Variants in WDPCP observed in about 807,000 individuals in gnomAD.
The protein encoded by WDPCP is WD repeat containing planar cell polarity effector, also known as WD repeat-containing and planar cell polarity effector protein fritz homolog.
Under a neutral mutation model 93.1 loss-of-function variants are expected in WDPCP, and 71 were observed. The ratio of observed to expected loss-of-function variants is 0.76; its 90% confidence interval spans 0.63 to 0.93. WDPCP has a LOEUF of 0.93. Ranked by LOEUF, WDPCP falls within the 40% of genes least tolerant of loss-of-function variation. The pLI is 0.00. For synonymous variants in WDPCP, 315 were observed against 315.0 expected, an observed-to-expected ratio of 1.00 and a Z score of 0.00; for missense variants, 844 against 887.4, an observed-to-expected ratio of 0.95 and a Z score of 0.62.
chr2:63,616,295 A>G (rs1020864930), intron 3 of WDPCP, among the ~76,000 whole-genome samples: 3 of 152,142 alleles, frequency 2.0e-5, no homozygotes, highest in African/African-American at 7.2e-5. Flanking sequence ...GGAATTATAA[A>G]TGGAAAAGCC....
At chr2:63,755,144 C>T (rs1489880051) in intron 2 of WDPCP, among the ~76,000 whole-genome samples, 1 of 152,198 alleles carries the variant, frequency 6.6e-6, no homozygotes, top group Non-Finnish European at 1.5e-5. Flanking sequence ...GCCTAAATGT[C>T]CTTTATGGCC....
At chr2:63,243,242 G>C (rs1286158898) in intron 14 of WDPCP, among the ~76,000 whole-genome samples, 1 of 152,138 alleles carries the variant, frequency 6.6e-6, no homozygotes, top group African/African-American at 2.4e-5. Flanking sequence ...TGGTGTGATT[G>C]ATAGAGTGTC....
chr2:63,589,190 G>A, upstream of WDPCP: 1 of 1,600,856 alleles, frequency 6.2e-7, no homozygotes, highest in Non-Finnish European at 8.5e-7. Context: ...ATCTTCTGGG[G>A]ATTGCCGCAG....
chr2:63,137,841 G>T (rs755581879), intron 17 of WDPCP, among the ~76,000 whole-genome samples: 8 of 152,026 alleles, frequency 5.3e-5, no homozygotes, highest in Non-Finnish European at 1.2e-4. Flanking sequence ...TTTTTGTCAG[G>T]TTTTTTGAAG....
chr2:63,178,671 A>AT (rs1017053283), intron 14 of WDPCP, among the ~76,000 whole-genome samples: 3 of 148,784 alleles, frequency 2.0e-5, no homozygotes, highest in African/African-American at 7.4e-5. Context: ...AGTTTTGTTG[A>AT]TTTTTTTCTA....
At chr2:63,179,913 C>G (rs1010120602) in intron 14 of WDPCP, among the ~76,000 whole-genome samples, 3 of 151,934 alleles carry the variant, frequency 2.0e-5, no homozygotes, top group Non-Finnish European at 2.9e-5. Context: ...GTTTTGTGGC[C>G]TTCATGTGGT....
At position 63,121,341 on chromosome 2, in the gene WDPCP, A is replaced by G. The variant is rs1384093000; in HGVS notation, c.*665T>C. On this transcript the variant is annotated 3_prime_UTR_variant, in exon 18 of 18. Coordinates refer to ENST00000272321, the MANE Select transcript of WDPCP (RefSeq NM_015910.7). ...ATTTGTAATGTAAATTAATAATGTA[A>G]ACAAGAGCAGAAGAGGACTTTCTTT... 6.6e-6 allele frequency: 1 copy of G among 151,560 alleles called. No individual in the cohort carries two copies. The highest frequency in any genetic ancestry group is 2.4e-5 in the African/African-American group (1 of 41,252). 9.4% of individuals were successfully genotyped at this position (151,560 alleles called of 1,614,324 possible).
chr2:63,781,420 C>T (rs528226666), intron 2 of WDPCP, among the ~76,000 whole-genome samples: 20 of 152,070 alleles, frequency 1.3e-4, no homozygotes, highest in Non-Finnish European at 2.4e-4. Flanking sequence ...GGATAGAGTG[C>T]CTACTCTCCT....
At chr2:63,738,278 T>C (rs1669665782) in intron 2 of WDPCP, among the ~76,000 whole-genome samples, 1 of 152,132 alleles carries the variant, frequency 6.6e-6, no homozygotes, top group South Asian at 2.1e-4. Context: ...CTCATGGAGA[T>C]GATTGTATAA....
At chr2:63,349,584 T>C (rs1251457224) in intron 12 of WDPCP, among the ~76,000 whole-genome samples, 2 of 152,154 alleles carry the variant, frequency 1.3e-5, no homozygotes, top group Non-Finnish European at 2.9e-5. Context: ...CAATTAATAA[T>C]GAATGGTAGT....
At chr2:63,634,109 G>A (rs897348326) in intron 3 of WDPCP, among the ~76,000 whole-genome samples, 2 of 152,056 alleles carry the variant, frequency 1.3e-5, no homozygotes, top group Non-Finnish European at 2.9e-5. Context: ...GACTGCCTGA[G>A]TAGACAAAAA....
At chr2:63,154,029 A>G (rs1412125348) in intron 15 of WDPCP, among the ~76,000 whole-genome samples, 3 of 151,938 alleles carry the variant, frequency 2.0e-5, no homozygotes, top group Non-Finnish European at 4.4e-5. Flanking sequence ...ATAAATATCC[A>G]GAGTTGTTCT....
intron 6 of WDPCP, among the ~76,000 whole-genome samples, chr2:63,451,870 A>G (rs535657594): frequency 9.2e-5 from 14 of 152,350 alleles, no homozygotes; most frequent in Admixed American, 2.0e-4. Context: ...TAGATGCAGA[A>G]AAGGCCTTTG....
intron 12 of WDPCP, among the ~76,000 whole-genome samples, chr2:63,361,938 A>T (rs917448835): frequency 2.0e-5 from 3 of 152,126 alleles, no homozygotes; most frequent in Non-Finnish European, 4.4e-5. Context: ...CCCACTTTTT[A>T]AAAATTGATA....
intron 13 of WDPCP, among the ~76,000 whole-genome samples, chr2:63,301,792 T>C (rs79897027): frequency 1.0e-5 from 1 of 97,376 alleles, no homozygotes; most frequent in African/African-American, 3.4e-5. Context: ...AAGGGATGCC[T>C]TTTTTTTTTT....
intron 2 of WDPCP, among the ~76,000 whole-genome samples, chr2:63,731,612 G>A (rs546725369): frequency 1.5e-4 from 23 of 152,142 alleles, no homozygotes; most frequent in African/African-American, 5.1e-4. Flanking sequence ...AGTAGCTAAT[G>A]GATTAATATA....
intron 6 of WDPCP, among the ~76,000 whole-genome samples, chr2:63,481,004 A>C (rs571373956): frequency 6.6e-6 from 1 of 152,304 alleles, no homozygotes; most frequent in East Asian, 1.9e-4. Context: ...AAGGACTAAT[A>C]TCCAGAATCT....
intron 2 of WDPCP, among the ~76,000 whole-genome samples, chr2:63,795,588 GGAAA>G (rs939919911): frequency 1.3e-5 from 2 of 148,930 alleles, no homozygotes; most frequent in South Asian, 2.1e-4. Context: ...ACAGAAAGAA[GGAAA>G]GAAAGAAAGA....
At chr2:63,758,093 G>A (rs1669995599) in intron 2 of WDPCP, among the ~76,000 whole-genome samples, 2 of 149,792 alleles carry the variant, frequency 1.3e-5, no homozygotes, top group Non-Finnish European at 3.0e-5. Flanking sequence ...AAGTGTTGTT[G>A]GTTTTTTTTT....
Sources: gnomAD v4.1 joint callset for allele counts (sites outside exome capture counted in the v4.1 genomes callset) on GRCh38, gnomAD v4.1.1 for gene constraint, MANE v1.5 for transcripts, NCBI Gene and HGNC (gene_info 2026-07-23, HGNC 2026-07-21) for gene names.